Variants in RNF150 observed in about 807,000 individuals in gnomAD.
The protein encoded by RNF150 is ring finger protein 150.
In RNF150, 24 loss-of-function variants were observed where a neutral mutation model predicts 39.3. The ratio of observed to expected loss-of-function variants is 0.61; its 90% CI spans 0.44 to 0.86. The LOEUF is 0.86. RNF150 is among the 40% of genes least tolerant of loss of function. The pLI is 0.00. For missense variants in RNF150, 502 were observed against 587.8 expected, an observed-to-expected ratio of 0.85 and a Z score of 1.51; for synonymous variants, 255 against 227.3, an observed-to-expected ratio of 1.12 and a Z score of -1.10.
chr4:141,036,812 TA>T (rs1204959547), intron 1 of RNF150, among the ~76,000 whole-genome samples: 2 of 152,152 alleles, frequency 1.3e-5, no homozygotes, highest in Non-Finnish European at 2.9e-5. Context: ...TTTCAATATT[TA>T]AAAAAACACT....
At chr4:141,138,551 T>A (rs1476767887) in intron 1 of RNF150, among the ~76,000 whole-genome samples, 1 of 152,210 alleles carries the variant, frequency 6.6e-6, no homozygotes, top group Non-Finnish European at 1.5e-5. Flanking sequence ...TGAAGTAACA[T>A]ACTGTGACAT....
chr4:140,973,147 A>G (rs1733527284), intron 1 of RNF150, among the ~76,000 whole-genome samples: 1 of 152,204 alleles, frequency 6.6e-6, no homozygotes, highest in South Asian at 2.1e-4. Context: ...CCCTACCATC[A>G]AGTAAGTGAT....
At chr4:141,141,508 G>C (rs560711374) in intron 1 of RNF150, among the ~76,000 whole-genome samples, 1 of 152,278 alleles carries the variant, frequency 6.6e-6, no homozygotes, top group Admixed American at 6.5e-5. Context: ...TCCTCCTTGA[G>C]CTTATTAAGA....
intron 4 of RNF150, among the ~76,000 whole-genome samples, chr4:140,946,062 C>A (rs62325701): frequency 6.6e-6 from 1 of 152,090 alleles, no homozygotes; most frequent in African/African-American, 2.4e-5. Context: ...ACTTACATAG[C>A]GAATCCTCAT....
intron 6 of RNF150, among the ~76,000 whole-genome samples, chr4:140,891,628 C>T (rs937336219): frequency 6.6e-6 from 1 of 152,142 alleles, no homozygotes; most frequent in Admixed American, 6.5e-5. Context: ...GGACACTGCC[C>T]CCTATCAAAA....
chr4:141,079,319 A>G (rs529649099), intron 1 of RNF150, among the ~76,000 whole-genome samples: 17 of 152,372 alleles, frequency 1.1e-4, no homozygotes, highest in Middle Eastern at 3.4e-3. Flanking sequence ...TCTGAACAAT[A>G]GTAGGCCATT....
At chr4:140,973,054 T>A (rs1336438814) in intron 1 of RNF150, among the ~76,000 whole-genome samples, 1 of 152,120 alleles carries the variant, frequency 6.6e-6, no homozygotes, top group African/African-American at 2.4e-5. Flanking sequence ...AAGATAATTA[T>A]GTTATTAAAA....
chr4:141,165,448 C>G (rs1413897304), intron 1 of RNF150, among the ~76,000 whole-genome samples: 3 of 152,072 alleles, frequency 2.0e-5, no homozygotes, highest in African/African-American at 7.2e-5. Context: ...CCAAGCAGAC[C>G]TAATAGACAT....
intron 1 of RNF150, among the ~76,000 whole-genome samples, chr4:141,059,840 T>TA (rs1167168177): frequency 1.3e-5 from 2 of 152,076 alleles, no homozygotes; most frequent in Non-Finnish European, 2.9e-5. Context: ...CTCAGCCATT[T>TA]AAAAAAAGTT....
intron 6 of RNF150, among the ~76,000 whole-genome samples, chr4:140,904,899 T>TAAG (rs1230506984): frequency 1.3e-5 from 2 of 152,210 alleles, no homozygotes; most frequent in African/African-American, 4.8e-5. Flanking sequence ...TTAAAAAATA[T>TAAG]AAGAATAAAT....
intron 4 of RNF150, among the ~76,000 whole-genome samples, chr4:140,938,569 C>G (rs1560977398): frequency 6.6e-6 from 1 of 152,168 alleles, no homozygotes; most frequent in Non-Finnish European, 1.5e-5. Flanking sequence ...AAACAACCTT[C>G]CAAGGCCTGG....
chr4:141,089,935 T>C (rs1271950791), intron 1 of RNF150, among the ~76,000 whole-genome samples: 6 of 152,214 alleles, frequency 3.9e-5, no homozygotes, highest in African/African-American at 1.4e-4. Flanking sequence ...ATCATATTTA[T>C]AGATGACAAA....
chr4:141,087,617 T>G (rs541786332), intron 1 of RNF150, among the ~76,000 whole-genome samples: 1 of 152,340 alleles, frequency 6.6e-6, no homozygotes, highest in Non-Finnish European at 1.5e-5. Context: ...TAATGTTTTA[T>G]AGGTCCTGCT....
intron 1 of RNF150, among the ~76,000 whole-genome samples, chr4:141,177,787 C>T (rs911505554): frequency 5.3e-5 from 8 of 152,110 alleles, no homozygotes; most frequent in East Asian, 1.9e-4. Flanking sequence ...TGATACCTTG[C>T]GGAGGCCAGG....
In RNF150 at chr4:141,012,926, G is replaced by A. The variant is rs531125213; in HGVS notation, c.485-45053C>T. On this transcript the variant is annotated intron_variant, in intron 1 of 6. Coordinates refer to ENST00000515673, the MANE Select transcript of RNF150 (RefSeq NM_020724.2). ...GAGTGCCTGTGAAGTGGCAGACCTG[G>A]GCTAGTTGTATTCATGCTCCCTAAT... Among the ~76,000 whole-genome samples, 32 of 152,166 alleles carry A rather than the reference G, an allele frequency of 2.1e-4. 2 individuals carry two copies. The South Asian group carries it at 6.0e-3, about 29-fold the overall frequency.
At chr4:140,881,223 C>T (rs769807483) in intron 6 of RNF150, among the ~76,000 whole-genome samples, 1 of 151,580 alleles carries the variant, frequency 6.6e-6, no homozygotes, top group African/African-American at 2.4e-5. Context: ...AATGCAGTGG[C>T]ATGATCTTGG....
At position 141,033,045 on chromosome 4, in the gene RNF150, G is replaced by T. The variant is rs945584608; in HGVS notation, c.485-65172C>A. Among the ~76,000 whole-genome samples the T allele has an allele frequency of 2.6e-5, 4 of 152,150 alleles. No individual in the cohort carries two copies. In the East Asian group the frequency reaches 7.7e-4, roughly 29 times the overall value. On this transcript the variant is annotated intron_variant, in intron 1 of 6. Transcript: ENST00000515673. Reference sequence around the variant, plus strand: ...CAACTTCTCAAAATAAGACAACAATGAAGTTTGCTGCATCAATTGATTCTT... The same window carrying T: ...CAACTTCTCAAAATAAGACAACAATTAAGTTTGCTGCATCAATTGATTCTT...
At chr4:141,086,095 G>A (rs1448432452) in intron 1 of RNF150, among the ~76,000 whole-genome samples, 4 of 150,910 alleles carry the variant, frequency 2.7e-5, no homozygotes, top group African/African-American at 7.3e-5. Flanking sequence ...TGGCAAGCAG[G>A]ACAAACAGAA....
At chr4:141,045,542 AT>A (rs1286876984) in intron 1 of RNF150, among the ~76,000 whole-genome samples, 2 of 150,888 alleles carry the variant, frequency 1.3e-5, no homozygotes, top group Non-Finnish European at 3.0e-5. Context: ...TTTATTTTTT[AT>A]TTATTTATTT....
Sources: gnomAD v4.1 joint callset for allele counts (sites outside exome capture counted in the v4.1 genomes callset) on GRCh38, gnomAD v4.1.1 for gene constraint, MANE v1.5 for transcripts, NCBI Gene and HGNC (gene_info 2026-07-23, HGNC 2026-07-21) for gene names.